The following FARP1 variants were observed in gnomAD, a reference collection of about 807,000 sequenced individuals.
FARP1 encodes FERM, ARHGEF and pleckstrin domain-containing protein 1.
Under a neutral mutation model 128.8 loss-of-function variants are expected in FARP1, and 52 were observed. The ratio of observed to expected loss-of-function variants is 0.40; its 90% confidence interval spans 0.32 to 0.51. The LOEUF (loss-of-function observed/expected upper bound fraction) is 0.51. Among genes scored for constraint, FARP1 ranks in the 20% least tolerant of loss-of-function variants. FARP1 has a pLI of 0.45. For missense variants in FARP1, 1,333 were observed against 1,367.9 expected (o/e 0.97, Z 0.40); for synonymous variants, 580 against 551.8 (o/e 1.05, Z -0.72).
chr13:98,206,966 C>T (rs1236113678), intron 1 of FARP1, among the ~76,000 whole-genome samples: 4 of 152,134 alleles, frequency 2.6e-5, no homozygotes, highest in Non-Finnish European at 5.9e-5. Context: ...TATTTATACA[C>T]TAGAGGCCTT....
At chr13:98,256,403 A>G (rs1297489202) in intron 2 of FARP1, among the ~76,000 whole-genome samples, 1 of 152,030 alleles carries the variant, frequency 6.6e-6, no homozygotes, top group Non-Finnish European at 1.5e-5. Context: ...GGAAAATGGG[A>G]GTCGTTTAAT....
chr13:98,351,465 A>G (rs1427812522), intron 3 of FARP1, among the ~76,000 whole-genome samples: 2 of 152,066 alleles, frequency 1.3e-5, no homozygotes, highest in Non-Finnish European at 2.9e-5. Context: ...ACGAAAAATT[A>G]GCTGGGCGTG....
At chr13:98,186,437 C>G (rs1390095615) in intron 1 of FARP1, among the ~76,000 whole-genome samples, 3 of 152,130 alleles carry the variant, frequency 2.0e-5, no homozygotes, top group African/African-American at 7.2e-5. Flanking sequence ...TTTCTTCTCT[C>G]TCTCCCCTGC....
chr13:98,349,669 AGGG>A (rs1888323767), intron 3 of FARP1, among the ~76,000 whole-genome samples: 1 of 97,040 alleles, frequency 1.0e-5, no homozygotes, highest in Non-Finnish European at 2.0e-5. Context: ...GACCCATCTC[AGGG>A]AAAAAAAAAA....
chr13:98,433,986 G>C (rs1186004503), intron 18 of FARP1: 1 of 152,406 alleles, frequency 6.6e-6, no homozygotes, highest in African/African-American at 2.4e-5. Context: ...ATGGGGGTGA[G>C]AGCGGTGTGT....
chr13:98,221,169 T>C (rs560019142), intron 2 of FARP1, among the ~76,000 whole-genome samples: 12 of 152,290 alleles, frequency 7.9e-5, no homozygotes, highest in Non-Finnish European at 1.6e-4. Flanking sequence ...TGAGATCTTC[T>C]GCAAAAACAC....
intron 1 of FARP1, among the ~76,000 whole-genome samples, chr13:98,158,586 A>T (rs1319233639): frequency 1.3e-5 from 2 of 152,202 alleles, no homozygotes; most frequent in Non-Finnish European, 2.9e-5. Context: ...TAGCATAAGC[A>T]TGAACTCAGG....
chr13:98,310,401 A>C (rs1484545722), intron 2 of FARP1, among the ~76,000 whole-genome samples: 1 of 152,212 alleles, frequency 6.6e-6, no homozygotes, highest in Non-Finnish European at 1.5e-5. Flanking sequence ...AGACATCCTC[A>C]TCATCCACAC....
At chr13:98,394,643 T>C (rs1256163129) in intron 12 of FARP1, among the ~76,000 whole-genome samples, 2 of 152,006 alleles carry the variant, frequency 1.3e-5, no homozygotes, top group African/African-American at 4.8e-5. Flanking sequence ...TATAAAAAAA[T>C]TTAAAAATTA....
In FARP1 at chr13:98,451,707, A is replaced by G. The variant is rs1329126301; in HGVS notation, c.*3390A>G. On this transcript the variant is annotated 3_prime_UTR_variant, in exon 27 of 27. Transcript: ENST00000319562. The stretch of plus-strand genomic sequence containing the variant: ...CCACAAGAACTGGCACACCCACGGG[A>G]GATGTCAATCATCAGCTTCAACAAA... 1 of 152,212 alleles carries G rather than the reference A, an allele frequency of 6.6e-6. No homozygotes were observed. Among genetic ancestry groups the G allele is most frequent in the Non-Finnish European group, 1.5e-5 (1 of 68,044 alleles). The allele number at this position is 152,212 out of a possible 1,614,324, so 9.4% of individuals were successfully genotyped here.
intron 1 of FARP1, among the ~76,000 whole-genome samples, chr13:98,151,660 C>CTTTTTTTTTTGTTTTTTTTTTTTTT (rs1876011313): frequency 1.4e-5 from 1 of 69,224 alleles, no homozygotes; most frequent in Non-Finnish European, 2.8e-5. Flanking sequence ...TATCTTCCAT[C>CTTTTTTTTTTGTTTTTTTTTTTTTT]TTTTTTTTTT....
At chr13:98,171,860 C>G (rs138145882) in intron 1 of FARP1, among the ~76,000 whole-genome samples, 1 of 152,302 alleles carries the variant, frequency 6.6e-6, no homozygotes, top group East Asian at 1.9e-4. Context: ...ACCATTCAGA[C>G]TTGTGCCCCT....
intron 2 of FARP1, among the ~76,000 whole-genome samples, chr13:98,235,497 A>G (rs1393944080): frequency 1.3e-5 from 2 of 151,778 alleles, no homozygotes; most frequent in East Asian, 1.9e-4. Flanking sequence ...AGAGGGGGAA[A>G]CTCCCTCTCT....
rs529734058 is a variant in FARP1 at position 98,170,827 on chromosome 13, T to G, written c.-24+27335T>G. On this transcript the variant is annotated intron_variant, in intron 1 of 26. Coordinates refer to ENST00000319562, the MANE Select transcript of FARP1 (RefSeq NM_005766.4). ...TTTTAGAAGGTTTTTTTCCTCTTCT[T>G]TGTTTTGGATGTGACTTTCATTTTG... 1.7e-4 allele frequency among the ~76,000 whole-genome samples: 22 copies of G among 126,270 alleles called. No individual in the cohort carries two copies. The East Asian group carries it at 4.8e-3, about 28-fold the overall frequency. The allele number at this position is 126,270 out of a possible 152,430, so 82.8% of individuals were successfully genotyped here.
chr13:98,206,865 GGAAA>G (rs1252538827), intron 1 of FARP1, among the ~76,000 whole-genome samples: 1 of 152,146 alleles, frequency 6.6e-6, no homozygotes, highest in Non-Finnish European at 1.5e-5. Flanking sequence ...GGTATCACAA[GGAAA>G]GAAATAGTCT....
chr13:98,372,459 T>A (rs1476682174), intron 5 of FARP1, among the ~76,000 whole-genome samples: 1 of 152,082 alleles, frequency 6.6e-6, no homozygotes, highest in Non-Finnish European at 1.5e-5. Context: ...CCTTTGTTCT[T>A]CCCCTTCTCT....
intron 1 of FARP1, among the ~76,000 whole-genome samples, chr13:98,191,726 T>C (rs1879241805): frequency 6.6e-6 from 1 of 152,180 alleles, no homozygotes; most frequent in Non-Finnish European, 1.5e-5. Flanking sequence ...GCAGATCACC[T>C]GAGGTTAGGA....
chr13:98,386,170 T>C (rs1224478750), intron 8 of FARP1, among the ~76,000 whole-genome samples: 1 of 151,364 alleles, frequency 6.6e-6, no homozygotes, highest in Non-Finnish European at 1.5e-5. Flanking sequence ...CAGATGATAC[T>C]TTGCTGTAAT....
At chr13:98,249,324 C>T (rs1413147758) in intron 2 of FARP1, among the ~76,000 whole-genome samples, 1 of 152,128 alleles carries the variant, frequency 6.6e-6, no homozygotes, top group Non-Finnish European at 1.5e-5. Context: ...AGTATAGCTC[C>T]TTGTTAATGT....
Sources: gnomAD v4.1 joint callset for allele counts (sites outside exome capture counted in the v4.1 genomes callset) on GRCh38, gnomAD v4.1.1 for gene constraint, MANE v1.5 for transcripts, NCBI Gene and HGNC (gene_info 2026-07-23, HGNC 2026-07-21) for gene names.